Variants in TMEM132D observed in about 807,000 individuals in gnomAD.
TMEM132D encodes the protein transmembrane protein 132D, also known as mature OL transmembrane protein.
In TMEM132D, 21 loss-of-function variants were observed where a neutral mutation model predicts 62.3. That is an observed-to-expected ratio of 0.34 (90% CI 0.24 to 0.49). The LOEUF (loss-of-function observed/expected upper bound fraction) is 0.49. TMEM132D is among the 20% of genes least tolerant of loss of function. The pLI, the probability that TMEM132D is intolerant of heterozygous loss-of-function variation, is 0.99. For synonymous variants in TMEM132D, 621 were observed against 575.6 expected, an observed-to-expected ratio of 1.08 and a Z score of -1.13; for missense variants, 1,346 against 1,402.8, an observed-to-expected ratio of 0.96 and a Z score of 0.65.
intron 3 of TMEM132D, among the ~76,000 whole-genome samples, chr12:129,449,083 T>C (rs1321854417): frequency 2.6e-5 from 4 of 152,184 alleles, no homozygotes; most frequent in African/African-American, 9.7e-5. Flanking sequence ...TTTTCTTTTA[T>C]CTTCCGGATA....
At chr12:129,684,075 G>A (rs1391806898) in intron 2 of TMEM132D, among the ~76,000 whole-genome samples, 1 of 152,172 alleles carries the variant, frequency 6.6e-6, no homozygotes, top group Non-Finnish European at 1.5e-5. Flanking sequence ...AAGAACTTTA[G>A]TTGCAAAGCA....
intron 1 of TMEM132D, among the ~76,000 whole-genome samples, chr12:129,730,473 T>TATA (rs1393284930): frequency 1.1e-4 from 17 of 152,196 alleles, no homozygotes; most frequent in Admixed American, 1.1e-3. Context: ...AGAAGGTTTA[T>TATA]ATAATGCTTT....
At chr12:129,175,793 G>A (rs1443828720) in intron 5 of TMEM132D, among the ~76,000 whole-genome samples, 1 of 152,208 alleles carries the variant, frequency 6.6e-6, no homozygotes, top group East Asian at 1.9e-4. Context: ...AAATGCAATG[G>A]TACTTTGTCC....
chr12:129,156,071 C>T (rs1243654429), intron 5 of TMEM132D, among the ~76,000 whole-genome samples: 1 of 152,070 alleles, frequency 6.6e-6, no homozygotes, highest in Non-Finnish European at 1.5e-5. Flanking sequence ...ATAACTAACC[C>T]ACTTCCATGA....
intron 2 of TMEM132D, among the ~76,000 whole-genome samples, chr12:129,544,684 T>A (rs974379705): frequency 2.0e-5 from 3 of 151,878 alleles, no homozygotes; most frequent in Non-Finnish European, 4.4e-5. Context: ...TTTTTAAAGA[T>A]AACTTTTCAG....
In TMEM132D at chr12:129,467,635, G is replaced by A. The variant is rs572956272; in HGVS notation, c.1115+63424C>T. ...AGGAATTTGGGATGATGACAGAGCA[G>A]ACATGCCAAGGTCAAGTCATTTGAA... On this transcript the variant is annotated intron_variant, in intron 3 of 8. Coordinates refer to ENST00000422113, the MANE Select transcript of TMEM132D (RefSeq NM_133448.3). Among the ~76,000 whole-genome samples, 24 of 152,324 alleles carry A rather than the reference G, an allele frequency of 1.6e-4. No homozygotes were observed. The South Asian group carries it at 5.0e-3, about 32-fold the overall frequency.
At chr12:129,319,735 C>A (rs1868618468) in intron 4 of TMEM132D, among the ~76,000 whole-genome samples, 2 of 152,166 alleles carry the variant, frequency 1.3e-5, no homozygotes, top group African/African-American at 4.8e-5. Flanking sequence ...ATGTAACATG[C>A]ACATTGTCCC....
intron 5 of TMEM132D, among the ~76,000 whole-genome samples, chr12:129,103,226 C>T (rs1400562306): frequency 1.3e-5 from 2 of 152,164 alleles, no homozygotes; most frequent in Non-Finnish European, 2.9e-5. Flanking sequence ...TCCTGGGCTC[C>T]TTGTCTTCTT....
At chr12:129,643,091 A>C (rs1029850128) in intron 2 of TMEM132D, among the ~76,000 whole-genome samples, 12 of 151,520 alleles carry the variant, frequency 7.9e-5, no homozygotes, top group African/African-American at 2.9e-4. Flanking sequence ...CGCCCGACTA[A>C]TTTTCGTATT....
At chr12:129,559,975 G>C (rs1470333367) in intron 2 of TMEM132D, among the ~76,000 whole-genome samples, 5 of 152,184 alleles carry the variant, frequency 3.3e-5, no homozygotes, top group African/African-American at 1.2e-4. Flanking sequence ...TCAGGGTAAG[G>C]AGGGTTTGGA....
chr12:129,461,587 G>A (rs1873673715), intron 3 of TMEM132D, among the ~76,000 whole-genome samples: 1 of 152,024 alleles, frequency 6.6e-6, no homozygotes, highest in African/African-American at 2.4e-5. Flanking sequence ...CTTCTTACAG[G>A]TCTTCACATC....
At chr12:129,276,711 T>G (rs1201318580) in intron 4 of TMEM132D, among the ~76,000 whole-genome samples, 1 of 152,216 alleles carries the variant, frequency 6.6e-6, no homozygotes, top group Non-Finnish European at 1.5e-5. Flanking sequence ...AATTACTAAG[T>G]GTTTATTATT....
At chr12:129,462,358 A>G (rs1386779951) in intron 3 of TMEM132D, among the ~76,000 whole-genome samples, 2 of 152,246 alleles carry the variant, frequency 1.3e-5, no homozygotes, top group Non-Finnish European at 2.9e-5. Context: ...GAGACGCTCA[A>G]AGGTATCCTG....
chr12:129,793,844 G>C (rs776733608), intron 1 of TMEM132D, among the ~76,000 whole-genome samples: 1 of 152,016 alleles, frequency 6.6e-6, no homozygotes, highest in Non-Finnish European at 1.5e-5. Context: ...ATGTATTGTC[G>C]GTGTTCTAAA....
chr12:129,202,395 A>G (rs1446868173), intron 5 of TMEM132D, among the ~76,000 whole-genome samples: 1 of 152,192 alleles, frequency 6.6e-6, no homozygotes, highest in Non-Finnish European at 1.5e-5. Flanking sequence ...TGACAACTGT[A>G]TGAGCTGTGG....
At chr12:129,344,780 G>A (rs978845940) in intron 3 of TMEM132D, among the ~76,000 whole-genome samples, 2 of 152,070 alleles carry the variant, frequency 1.3e-5, no homozygotes, top group African/African-American at 2.4e-5. Flanking sequence ...ACGGGTCTTA[G>A]GGATTTTAAC....
At chr12:129,630,882 G>T (rs912455141) in intron 2 of TMEM132D, among the ~76,000 whole-genome samples, 1 of 151,930 alleles carries the variant, frequency 6.6e-6, no homozygotes, top group Non-Finnish European at 1.5e-5. Context: ...GCAGGCCCCA[G>T]TGTCTGTCGT....
At chr12:129,582,789 C>CT (rs554269937) in intron 2 of TMEM132D, among the ~76,000 whole-genome samples, 59 of 152,028 alleles carry the variant, frequency 3.9e-4, no homozygotes, top group East Asian at 2.7e-3. Context: ...TGGCTAATTT[C>CT]TTTTTTTGTA....
At chr12:129,791,968 G>A (rs1055852283) in intron 1 of TMEM132D, among the ~76,000 whole-genome samples, 6 of 152,164 alleles carry the variant, frequency 3.9e-5, no homozygotes, top group East Asian at 1.9e-4. Flanking sequence ...TGCTGCCCCC[G>A]ACAGAGGAAA....
Sources: gnomAD v4.1 joint callset for allele counts (sites outside exome capture counted in the v4.1 genomes callset) on GRCh38, gnomAD v4.1.1 for gene constraint, MANE v1.5 for transcripts, NCBI Gene and HGNC (gene_info 2026-07-23, HGNC 2026-07-21) for gene names.